SGCD: variants seen among roughly 807,000 people sequenced by gnomAD.
SGCD encodes the protein sarcoglycan delta.
SGCD carries 18 observed loss-of-function variants against 36.6 expected under a neutral mutation model. The observed-to-expected ratio is 0.49, with a 90% CI of 0.34 to 0.73. SGCD has a LOEUF of 0.73. SGCD is among the 30% of genes least tolerant of loss of function. The pLI, the probability that SGCD is intolerant of heterozygous loss-of-function variation, is 0.01. For synonymous variants in SGCD, 133 were observed against 130.6 expected, an observed-to-expected ratio of 1.02 and a Z score of -0.12; for missense variants, 387 against 346.7, an observed-to-expected ratio of 1.12 and a Z score of -0.92.
intron 1 of SGCD, among the ~76,000 whole-genome samples, chr5:156,074,074 G>T (rs1760687770): frequency 6.6e-6 from 1 of 152,222 alleles, no homozygotes; most frequent in African/African-American, 2.4e-5. Context: ...GGGATAATAT[G>T]TGAGCATCAG....
At chr5:156,404,444 G>T (rs933379725) in intron 3 of SGCD, among the ~76,000 whole-genome samples, 14 of 152,126 alleles carry the variant, frequency 9.2e-5, no homozygotes, top group African/African-American at 3.4e-4. Context: ...CATTTTAATC[G>T]ATGTATCTTT....
intron 6 of SGCD, among the ~76,000 whole-genome samples, chr5:156,602,229 T>C (rs1196180606): frequency 6.6e-6 from 1 of 152,172 alleles, no homozygotes; most frequent in Non-Finnish European, 1.5e-5. Flanking sequence ...ATTGCTTTCT[T>C]GATATTTTTT....
chr5:155,987,895 A>G (rs1758360991), intron 1 of SGCD, among the ~76,000 whole-genome samples: 4 of 152,180 alleles, frequency 2.6e-5, no homozygotes, highest in Non-Finnish European at 5.9e-5. Flanking sequence ...ATATCCCAGT[A>G]TGCTGATAAC....
chr5:156,573,931 G>C (rs1270547293), intron 4 of SGCD, among the ~76,000 whole-genome samples: 1 of 151,994 alleles, frequency 6.6e-6, no homozygotes, highest in Non-Finnish European at 1.5e-5. Context: ...AGCCTCAAGT[G>C]ATCCTCCCTC....
chr5:155,984,725 C>G (rs1359589171), intron 1 of SGCD, among the ~76,000 whole-genome samples: 1 of 152,162 alleles, frequency 6.6e-6, no homozygotes, highest in African/African-American at 2.4e-5. Context: ...CTATAGCTCT[C>G]AGCTTGAATG....
chr5:156,510,898 G>C (rs1756897690), intron 4 of SGCD, among the ~76,000 whole-genome samples: 1 of 152,178 alleles, frequency 6.6e-6, no homozygotes, highest in South Asian at 2.1e-4. Flanking sequence ...TTGAAAACAG[G>C]GTACTGGGTG....
At chr5:156,722,132 C>T (rs899626830) in intron 7 of SGCD, among the ~76,000 whole-genome samples, 2 of 152,146 alleles carry the variant, frequency 1.3e-5, no homozygotes, top group Admixed American at 1.3e-4. Flanking sequence ...GGAAGGAACG[C>T]CATTCTGCTG....
intron 3 of SGCD, among the ~76,000 whole-genome samples, chr5:156,204,717 G>C (rs971512247): frequency 5.3e-5 from 8 of 152,038 alleles, no homozygotes; most frequent in African/African-American, 1.4e-4. Context: ...CTCATATGGG[G>C]CACATTATGT....
chr5:156,392,649 G>A (rs777274297), intron 3 of SGCD, among the ~76,000 whole-genome samples: 11 of 152,180 alleles, frequency 7.2e-5, no homozygotes, highest in Non-Finnish European at 1.0e-4. Flanking sequence ...TTGGTGTCCC[G>A]GAAGAATTGG....
intron 7 of SGCD, among the ~76,000 whole-genome samples, chr5:156,689,893 T>C (rs1184690720): frequency 6.6e-6 from 1 of 152,242 alleles, no homozygotes; most frequent in Non-Finnish European, 1.5e-5. Flanking sequence ...ACACTTGCTG[T>C]TATTTATAGC....
intron 7 of SGCD, among the ~76,000 whole-genome samples, chr5:156,700,291 C>T (rs1754478281): frequency 6.6e-6 from 1 of 152,212 alleles, no homozygotes; most frequent in Non-Finnish European, 1.5e-5. Flanking sequence ...TCCAAGAAAG[C>T]TACTGCATAC....
chr5:155,852,758 G>A, the SGCD span, among the ~76,000 whole-genome samples: 4 of 152,054 alleles, frequency 2.6e-5, no homozygotes, highest in African/African-American at 7.2e-5. Flanking sequence ...ATGCTTTAGC[G>A]TGCATCTTTT....
At position 156,448,417 on chromosome 5, in the gene SGCD, A is replaced by G. The variant is rs181489675; in HGVS notation, c.193-60184A>G. Among the ~76,000 whole-genome samples the G allele has an allele frequency of 3.3e-5, 5 of 152,288 alleles. No individual in the cohort carries two copies. The East Asian group carries it at 9.7e-4, about 29-fold the overall frequency. ...TTGGCCTCTCAAGCAGACCGTGAGG[A>G]TAAGAAGTAGTCCTTTAATTTCTTT... On this transcript the variant is annotated intron_variant, in intron 3 of 8. Coordinates refer to ENST00000337851, the MANE Select transcript of SGCD (RefSeq NM_000337.6).
intron 1 of SGCD, among the ~76,000 whole-genome samples, chr5:155,876,769 A>T (rs894706885): frequency 1.3e-5 from 2 of 152,124 alleles, no homozygotes; most frequent in Non-Finnish European, 2.9e-5. Flanking sequence ...ACAAATAAGA[A>T]ACTATGAAAA....
chr5:156,387,127 G>T (rs550450563), intron 3 of SGCD, among the ~76,000 whole-genome samples: 36 of 152,280 alleles, frequency 2.4e-4, no homozygotes, highest in Middle Eastern at 3.4e-3. Context: ...TCTCATTCAT[G>T]CTTAGTAATA....
chr5:156,156,555 C>T (rs1041475241), intron 3 of SGCD, among the ~76,000 whole-genome samples: 7 of 151,556 alleles, frequency 4.6e-5, no homozygotes, highest in East Asian at 1.9e-4. Context: ...GCTAGGGAGA[C>T]GGAGGTTGTA....
At chr5:156,709,805 T>C (rs1754903771) in intron 7 of SGCD, among the ~76,000 whole-genome samples, 1 of 151,046 alleles carries the variant, frequency 6.6e-6, no homozygotes, top group South Asian at 2.1e-4. Flanking sequence ...AGTTGAAACT[T>C]CTTGGTACTT....
At chr5:156,126,151 G>A (rs1479961274) in intron 3 of SGCD, among the ~76,000 whole-genome samples, 2 of 152,070 alleles carry the variant, frequency 1.3e-5, no homozygotes, top group Non-Finnish European at 1.5e-5. Flanking sequence ...AAAGTACTGG[G>A]ATTACAGGCA....
chr5:155,752,773 A>G, the SGCD span, among the ~76,000 whole-genome samples: 1 of 152,200 alleles, frequency 6.6e-6, no homozygotes, highest in Non-Finnish European at 1.5e-5. Flanking sequence ...TATTTGCTGG[A>G]TAAATTAACT....
Sources: allele counts gnomAD v4.1 joint callset (sites outside exome capture counted in the v4.1 genomes callset), GRCh38; gene constraint gnomAD v4.1.1; transcripts MANE v1.5; gene names NCBI Gene and HGNC (gene_info 2026-07-23, HGNC 2026-07-21).